The following CALCRL variants were observed in gnomAD, a reference collection of about 807,000 sequenced individuals.
CALCRL encodes calcitonin gene-related peptide type 1 receptor.
Under a neutral mutation model 60.4 loss-of-function variants are expected in CALCRL, and 27 were observed. The observed-to-expected ratio is 0.45, with a 90% CI of 0.33 to 0.62. The LOEUF (loss-of-function observed/expected upper bound fraction) is 0.62. Among genes scored for constraint, CALCRL ranks in the 20% least tolerant of loss-of-function variants. The pLI is 0.03. For synonymous variants in CALCRL, 190 were observed against 182.6 expected (o/e 1.04, Z -0.33); for missense variants, 424 against 540.7 (o/e 0.78, Z 2.14).
At chr2:187,405,319 G>A (rs930579562) in intron 1 of CALCRL, among the ~76,000 whole-genome samples, 3 of 151,992 alleles carry the variant, frequency 2.0e-5, no homozygotes, top group African/African-American at 7.2e-5. Flanking sequence ...GGCTTTGTGA[G>A]CTCATGAACA....
chr2:187,413,689 G>A (rs1023870523), intron 1 of CALCRL, among the ~76,000 whole-genome samples: 3 of 152,212 alleles, frequency 2.0e-5, no homozygotes, highest in Non-Finnish European at 2.9e-5. Context: ...CTTGTATGTT[G>A]ACAGTACAAG....
chr2:187,382,495 A>C (rs1688023198), intron 5 of CALCRL, among the ~76,000 whole-genome samples: 1 of 152,170 alleles, frequency 6.6e-6, no homozygotes, highest in African/African-American at 2.4e-5. Context: ...AAGAGTGTTA[A>C]ATTTTATTTT....
intron 1 of CALCRL, chr2:187,429,028 A>C (rs1343973350): frequency 6.6e-6 from 1 of 152,044 alleles, no homozygotes; most frequent in Non-Finnish European, 1.5e-5. Flanking sequence ...GCAAAAATTG[A>C]TCTATTAAAT....
intron 2 of CALCRL, 47 bp downstream of exon 2, chr2:187,387,619 T>C (rs958901762): frequency 2.5e-6 from 1 of 393,048 alleles, no homozygotes; most frequent in Non-Finnish European, 4.5e-6. Flanking sequence ...AATATTTTAG[T>C]TTTTATTAAA....
intron 1 of CALCRL, among the ~76,000 whole-genome samples, chr2:187,421,953 T>C (rs1004765108): frequency 2.0e-5 from 3 of 152,134 alleles, no homozygotes; most frequent in Non-Finnish European, 4.4e-5. Context: ...CAGATGCTGG[T>C]GGGAGTGTAA....
chr2:187,416,158 CTT>C (rs1398816454), intron 1 of CALCRL, among the ~76,000 whole-genome samples: 1 of 152,136 alleles, frequency 6.6e-6, no homozygotes, highest in African/African-American at 2.4e-5. Context: ...ATTGGATAGA[CTT>C]AGTCATTTCA....
intron 12 of CALCRL, among the ~76,000 whole-genome samples, chr2:187,358,084 A>G (rs1686877501): frequency 6.6e-6 from 1 of 152,108 alleles, no homozygotes; most frequent in African/African-American, 2.4e-5. Context: ...CAAATAATGT[A>G]ATACACTTGT....
In CALCRL at chr2:187,368,633, A is replaced by G. The variant is rs76889185; in HGVS notation, c.501-5131T>C. Among the ~76,000 whole-genome samples, 757 of 152,256 alleles carry G rather than the reference A, an allele frequency of 5.0e-3. 4 individuals carry two copies. The highest frequency in any genetic ancestry group is 0.017 in the African/African-American group (697 of 41,580). ...CCTCTGTTTTCCATTTGCTTTTGAC[A>G]TGAGCTAAAAACTTCCAAACTACTT... On this transcript the variant is annotated intron_variant, in intron 8 of 14. Coordinates refer to ENST00000392370, the MANE Select transcript of CALCRL (RefSeq NM_005795.6).
intron 8 of CALCRL, among the ~76,000 whole-genome samples, chr2:187,372,830 G>C (rs1687593139): frequency 6.6e-6 from 1 of 152,130 alleles, no homozygotes; most frequent in Admixed American, 6.6e-5. Flanking sequence ...TTTCAGGTTA[G>C]TTGGATGAAA....
At chr2:187,352,644 T>G (rs1376107264) in intron 12 of CALCRL, among the ~76,000 whole-genome samples, 1 of 151,854 alleles carries the variant, frequency 6.6e-6, no homozygotes. Context: ...TAAAAAAATC[T>G]GTGGTCTAAA....
In CALCRL at chr2:187,376,123, G is replaced by A. The variant is rs559502961; in HGVS notation, c.500+2817C>T. On this transcript the variant is annotated intron_variant, in intron 8 of 14. Coordinates refer to ENST00000392370, the MANE Select transcript of CALCRL (RefSeq NM_005795.6). ...TCATAGATTCTTGGGTGTGGAAAGA[G>A]CATTAAAGATCCTCAGGTCTAGCTA... Among the ~76,000 whole-genome samples the A allele has an allele frequency of 2.4e-4, 36 of 152,202 alleles. No homozygotes were observed. In the South Asian group the frequency reaches 6.7e-3, roughly 28 times the overall value.
chr2:187,407,801 T>C (rs1310198347), intron 1 of CALCRL, among the ~76,000 whole-genome samples: 1 of 152,080 alleles, frequency 6.6e-6, no homozygotes, highest in African/African-American at 2.4e-5. Context: ...ACATTGAATA[T>C]GAATAAATCC....
At chr2:187,397,555 T>C (rs973735106) in intron 1 of CALCRL, among the ~76,000 whole-genome samples, 1 of 151,746 alleles carries the variant, frequency 6.6e-6, no homozygotes, top group African/African-American at 2.4e-5. Flanking sequence ...TTTTTATTTG[T>C]ATAAATTTAA....
chr2:187,434,010 A>AT (rs1223632519), intron 1 of CALCRL, among the ~76,000 whole-genome samples: 6 of 150,812 alleles, frequency 4.0e-5, no homozygotes, highest in African/African-American at 1.5e-4. Context: ...TGTGCAACCA[A>AT]TTTTTAAAAA....
At chr2:187,415,100 T>C (rs1489936289) in intron 1 of CALCRL, among the ~76,000 whole-genome samples, 1 of 152,066 alleles carries the variant, frequency 6.6e-6, no homozygotes, top group Non-Finnish European at 1.5e-5. Context: ...AGCAATATGT[T>C]AAGGTTCCTG....
Position 187,351,433 on chromosome 2 carries a change from T to C in CALCRL, c.1170+487A>G, listed in dbSNP as rs550451422. Reference sequence around the variant, plus strand: ...ATTCTCTTCTAAATTTCCTAACCCATTGAATTTCTTCCCTGTATAACCAAG... The same window carrying C: ...ATTCTCTTCTAAATTTCCTAACCCACTGAATTTCTTCCCTGTATAACCAAG... On this transcript the variant is annotated intron_variant, in intron 14 of 14. Transcript: ENST00000392370. 3.9e-5 allele frequency among the ~76,000 whole-genome samples: 6 copies of C among 151,940 alleles called. No homozygotes were observed. The South Asian group carries it at 8.3e-4, about 21-fold the overall frequency.
intron 7 of CALCRL, 34 bp downstream of exon 7, chr2:187,380,429 TACTG>T (rs754519231): frequency 8.5e-7 from 1 of 1,181,392 alleles, no homozygotes; most frequent in South Asian, 1.2e-5. Context: ...TTTAAACAGA[TACTG>T]TAAGTTAAAT....
In CALCRL at chr2:187,343,387, T is replaced by C. The variant is rs1031705154; in HGVS notation, c.*2797A>G. On this transcript the variant is annotated 3_prime_UTR_variant, in exon 15 of 15. Transcript: ENST00000392370. ...AATTGTTATAATTGATCAGAATATCTTGAATATATTTTTACAGATAACTAG... is the reference window on the plus strand; with the variant it reads ...AATTGTTATAATTGATCAGAATATCCTGAATATATTTTTACAGATAACTAG... 10 of 151,876 alleles carry C rather than the reference T, an allele frequency of 6.6e-5. No individual in the cohort carries two copies. The highest frequency in any genetic ancestry group is 2.4e-4 in the African/African-American group (10 of 41,406). 9.4% of individuals were successfully genotyped at this position (151,876 alleles called of 1,614,324 possible).
intron 12 of CALCRL, among the ~76,000 whole-genome samples, chr2:187,355,479 T>C (rs548049316): frequency 1.3e-5 from 2 of 152,122 alleles, no homozygotes; most frequent in Admixed American, 6.6e-5. Flanking sequence ...TTAACAATGA[T>C]ACATTTTGAG....
Sources: allele counts gnomAD v4.1 joint callset (sites outside exome capture counted in the v4.1 genomes callset), GRCh38; gene constraint gnomAD v4.1.1; transcripts MANE v1.5; gene names NCBI Gene and HGNC (gene_info 2026-07-23, HGNC 2026-07-21).